The following TNRC6A variants were observed in gnomAD, a reference collection of about 807,000 sequenced individuals.
TNRC6A encodes trinucleotide repeat containing adaptor 6A.
Under a neutral mutation model 221.2 loss-of-function variants are expected in TNRC6A, and 44 were observed. The observed-to-expected ratio is 0.20, with a 90% CI of 0.16 to 0.26. The LOEUF (loss-of-function observed/expected upper bound fraction) is 0.26, where lower values mean the gene tolerates loss of function less well. Ranked by LOEUF, TNRC6A falls within the 10% of genes least tolerant of loss-of-function variation. The pLI is 1.00. For synonymous variants in TNRC6A, 847 were observed against 838.5 expected, an observed-to-expected ratio of 1.01 and a Z score of -0.18; for missense variants, 2,199 against 2,404.4, an observed-to-expected ratio of 0.91 and a Z score of 1.79.
Position 24,790,072 on chromosome 16 carries a change from G to A in TNRC6A, c.1430G>A (p.Ser477Asn). 2 of 1,614,222 alleles carry A rather than the reference G, an allele frequency of 1.2e-6. No homozygotes were observed. The highest frequency in any genetic ancestry group is 3.3e-5 in the Admixed American group (2 of 60,020). Residue 477 changes from serine (S) to asparagine (N), a missense_variant, in exon 6 of 25, where the codon AGT becomes AAT. By Grantham distance (46) the Ser-to-Asn change is conservative. Coordinates refer to ENST00000395799, the MANE Select transcript of TNRC6A (RefSeq NM_014494.4). ...SGSVQNNELP[S>N]SNTGAWRVST... is the part of the protein sequence containing the mutation. Reference sequence around the variant, plus strand: ...TCAGTGCAGAATAATGAGCTGCCTAGTAGTAACACAGGGGCCTGGCGTGTG... The same window carrying A: ...TCAGTGCAGAATAATGAGCTGCCTAATAGTAACACAGGGGCCTGGCGTGTG...
chr16:24,712,784 C>T (rs950278544), intron 2 of TNRC6A, among the ~76,000 whole-genome samples: 3 of 152,236 alleles, frequency 2.0e-5, no homozygotes, highest in East Asian at 1.9e-4. Context: ...GACAGGGTCT[C>T]GCTCTGTCAC....
chr16:24,759,458 G>A (rs1473310937), intron 4 of TNRC6A, among the ~76,000 whole-genome samples: 1 of 152,154 alleles, frequency 6.6e-6, no homozygotes, highest in Non-Finnish European at 1.5e-5. Flanking sequence ...AAGACAGGTA[G>A]GGATTTGAAA....
At chr16:24,778,571 T>C in intron 5 of TNRC6A, 1 of 864,666 alleles carries the variant, frequency 1.2e-6, no homozygotes, top group Non-Finnish European at 1.4e-6. Context: ...CCTTATTACC[T>C]GTGTGAGCTT....
chr16:24,808,630 G>A (rs2058482454), intron 17 of TNRC6A, among the ~76,000 whole-genome samples: 1 of 152,202 alleles, frequency 6.6e-6, no homozygotes, highest in African/African-American at 2.4e-5. Context: ...TAGAGAATTT[G>A]TATTATTAAA....
Position 24,793,569 on chromosome 16 carries a change from G to A in TNRC6A, c.3272G>A (p.Trp1091Ter). The A allele has an allele frequency of 6.4e-7, 1 of 1,570,526 alleles. No homozygotes were observed. Among genetic ancestry groups the A allele is most frequent in the Non-Finnish European group, 8.6e-7 (1 of 1,157,496 alleles). Residue 1091 changes from tryptophan (W) to a stop codon, truncating the protein, a stop_gained, in exon 7 of 25, where the codon TGG becomes TAG. Transcript: ENST00000395799. LOFTEE classifies it high-confidence loss of function. Reference protein sequence around the residue: ...WGKPIDSGPSWGEPIAAASST... With the variant: ...WGKPIDSGPS ...AAGCCCATAGACAGTGGTCCCAGCT[G>A]GGGGGAACCCATTGCTGCGGCATCC...
rs55802473 is a variant in TNRC6A at position 24,824,126 on chromosome 16, A to AC, written c.*330dup. The AC allele has an allele frequency of 0.21, 5,592 of 26,016 alleles. 813 individuals carry two copies. Among genetic ancestry groups the AC allele is most frequent in the Non-Finnish European group, 0.28 (3,623 of 12,900 alleles). 1.6% of individuals were successfully genotyped at this position (26,016 alleles called of 1,614,324 possible). ...TTTTTTTTCCTTCTATTCCTCCCCAACCCCCCCCCCCGCCCCTTTTTTTCT... is the reference window on the plus strand; with the variant it reads ...TTTTTTTTCCTTCTATTCCTCCCCAACCCCCCCCCCCCGCCCCTTTTTTTCT... On this transcript the variant is annotated 3_prime_UTR_variant, in exon 25 of 25. Coordinates refer to ENST00000395799, the MANE Select transcript of TNRC6A (RefSeq NM_014494.4).
intron 6 of TNRC6A, among the ~76,000 whole-genome samples, chr16:24,793,068 C>T (rs1021137490): frequency 2.6e-5 from 4 of 152,160 alleles, no homozygotes; most frequent in Non-Finnish European, 2.9e-5. Context: ...GGATTACAGG[C>T]ATCAGCCACT....
upstream of TNRC6A, among the ~76,000 whole-genome samples, chr16:24,728,181 G>A (rs1360602498): frequency 6.6e-6 from 1 of 152,190 alleles, no homozygotes; most frequent in Non-Finnish European, 1.5e-5. Context: ...GGGCGCGGTG[G>A]CTCACGCCTG....
At chr16:24,779,007 A>T (rs2057784413) in intron 5 of TNRC6A, among the ~76,000 whole-genome samples, 1 of 152,238 alleles carries the variant, frequency 6.6e-6, no homozygotes, top group African/African-American at 2.4e-5. Flanking sequence ...TATGTCAAAT[A>T]TGCCTTTTCA....
intron 2 of TNRC6A, among the ~76,000 whole-genome samples, chr16:24,676,497 C>T (rs2142029947): frequency 6.6e-6 from 1 of 152,204 alleles, no homozygotes; most frequent in African/African-American, 2.4e-5. Flanking sequence ...ACTCTTTCAC[C>T]CAGGCTGGAG....
At chr16:24,653,615 A>C (rs1902786573) in intron 2 of TNRC6A, among the ~76,000 whole-genome samples, 1 of 152,072 alleles carries the variant, frequency 6.6e-6, no homozygotes, top group Admixed American at 6.6e-5. Flanking sequence ...GTCTCTACTA[A>C]AAATACAAAA....
chr16:24,626,592 T>C (rs936614999), intron 1 of TNRC6A, among the ~76,000 whole-genome samples: 3 of 151,904 alleles, frequency 2.0e-5, no homozygotes, highest in Admixed American at 1.3e-4. Flanking sequence ...TTTTTACATA[T>C]ACACATTCAC....
At chr16:24,625,105 T>C (rs891978554) in intron 1 of TNRC6A, among the ~76,000 whole-genome samples, 15 of 152,212 alleles carry the variant, frequency 9.9e-5, no homozygotes, top group African/African-American at 3.6e-4. Flanking sequence ...ATCTCTATGA[T>C]TTCAAGTAGT....
Position 24,793,949 on chromosome 16 carries a change from G to T in TNRC6A, c.3352+300G>T, listed in dbSNP as rs142454006. Reference sequence around the variant, plus strand: ...GGAAGAGTCTACTAGCAACTTTCATGCCATCCAGCCTGAGAGGCCAACTAG... The same window carrying T: ...GGAAGAGTCTACTAGCAACTTTCATTCCATCCAGCCTGAGAGGCCAACTAG... On this transcript the variant is annotated intron_variant, in intron 7 of 24. Transcript: ENST00000395799. 7.2e-5 allele frequency among the ~76,000 whole-genome samples: 11 copies of T among 152,208 alleles called. No individual in the cohort carries two copies. The East Asian group carries it at 1.9e-3, about 27-fold the overall frequency.
intron 1 of TNRC6A, among the ~76,000 whole-genome samples, chr16:24,623,614 G>T (rs1437458276): frequency 6.6e-6 from 1 of 151,982 alleles, no homozygotes; most frequent in Admixed American, 6.6e-5. Flanking sequence ...AGAATTTCAA[G>T]GCTGGACATG....
chr16:24,798,573 A>G (rs1009935192), intron 11 of TNRC6A, among the ~76,000 whole-genome samples: 3 of 152,246 alleles, frequency 2.0e-5, no homozygotes, highest in Non-Finnish European at 2.9e-5. Context: ...GACACTGAAG[A>G]TAGCAAAACC....
At position 24,707,383 on chromosome 16, in the gene TNRC6A, TTAAA is replaced by T. The variant is rs972029305; in HGVS notation, n.403-43339_403-43336del. ...ACACACACACACACACACACACATC[TTAAA>T]TAAGAGAAAATCTTTCTAAGCCAGA... On this transcript the variant is annotated intron_variant and non_coding_transcript_variant, in intron 2 of 2. Coordinates refer to the TNRC6A transcript ENST00000566108. Among the ~76,000 whole-genome samples the T allele has an allele frequency of 8.6e-4, 127 of 147,080 alleles. 3 individuals carry two copies. Among genetic ancestry groups the T allele is most frequent in the Middle Eastern group, 3.5e-3 (1 of 286 alleles).
At chr16:24,764,980 CCT>C (rs918114442) in intron 4 of TNRC6A, among the ~76,000 whole-genome samples, 6 of 151,840 alleles carry the variant, frequency 4.0e-5, no homozygotes, top group Non-Finnish European at 8.8e-5. Context: ...GAATTTGGTC[CCT>C]CTCTCAAAAT....
chr16:24,745,897 A>G (rs150633823), intron 2 of TNRC6A, among the ~76,000 whole-genome samples: 39 of 150,046 alleles, frequency 2.6e-4, no homozygotes, highest in African/African-American at 9.1e-4. Flanking sequence ...GGAACTACAC[A>G]TTCACTTAGA....
Sources: gnomAD v4.1 joint callset for allele counts (sites outside exome capture counted in the v4.1 genomes callset) on GRCh38, gnomAD v4.1.1 for gene constraint, MANE v1.5 for transcripts, NCBI Gene and HGNC (gene_info 2026-07-23, HGNC 2026-07-21) for gene names.